PLAC1: variants seen among roughly 807,000 people sequenced by gnomAD.
PLAC1 encodes the protein placenta-specific protein 1.
For synonymous variants in PLAC1, 68 were observed against 62.1 expected, an observed-to-expected ratio of 1.09 and a Z score of -0.44; for missense variants, 136 against 163.2, an observed-to-expected ratio of 0.83 and a Z score of 0.91.
intron 2 of PLAC1, among the ~76,000 whole-genome samples, chrX:134,569,368 T>C (rs1262334116): frequency 1.8e-5 from 2 of 111,500 alleles, no homozygotes; most frequent in Non-Finnish European, 3.8e-5. Flanking sequence ...TCATTGAGTT[T>C]AGGGGTTCAT....
chrX:134,736,073 C>G (rs1249227189), intron 1 of PLAC1, among the ~76,000 whole-genome samples: 2 of 109,851 alleles, frequency 1.8e-5, no homozygotes, highest in African/African-American at 6.6e-5. Flanking sequence ...ATTGAGAGAT[C>G]GAGACCATCC....
chrX:134,690,070 T>C (rs1048152178), intron 2 of PLAC1, among the ~76,000 whole-genome samples: 1 of 111,512 alleles, frequency 9.0e-6, no homozygotes, highest in Non-Finnish European at 1.9e-5. Flanking sequence ...ACTGTCTCTA[T>C]AAATTTGACT....
chrX:134,680,248 T>G (rs1273481968), intron 2 of PLAC1, among the ~76,000 whole-genome samples: 2 of 111,849 alleles, frequency 1.8e-5, no homozygotes, highest in Admixed American at 9.5e-5. Context: ...TCATTATTAT[T>G]CCCTTTTACA....
At chrX:134,636,514 T>A (rs1165181596) in intron 1 of PLAC1, among the ~76,000 whole-genome samples, 1 of 112,069 alleles carries the variant, frequency 8.9e-6, no homozygotes, top group Non-Finnish European at 1.9e-5. Flanking sequence ...GGAGCCAAGA[T>A]TGTATACAGT....
At chrX:134,577,945 C>T (rs1488193919) in intron 2 of PLAC1, among the ~76,000 whole-genome samples, 3 of 110,304 alleles carry the variant, frequency 2.7e-5, no homozygotes, top group Non-Finnish European at 5.7e-5. Flanking sequence ...TCCTGAGATA[C>T]GGAAGATTAT....
At chrX:134,685,639 C>T (rs757197607) in intron 2 of PLAC1, among the ~76,000 whole-genome samples, 5 of 110,057 alleles carry the variant, frequency 4.5e-5, no homozygotes, top group Non-Finnish European at 9.5e-5. Context: ...CTATTCAAGT[C>T]GGGGACTCTA....
chrX:134,669,528 T>G (rs1485304236), intron 2 of PLAC1, among the ~76,000 whole-genome samples: 1 of 111,898 alleles, frequency 8.9e-6, no homozygotes, highest in Non-Finnish European at 1.9e-5. Context: ...CAACACTTGG[T>G]GGGGGAGCAC....
intron 1 of PLAC1, among the ~76,000 whole-genome samples, chrX:134,735,541 C>G (rs2078700666): frequency 9.0e-6 from 1 of 111,238 alleles, no homozygotes; most frequent in Admixed American, 9.6e-5. Context: ...TTCTCAAGTC[C>G]AGAGCCCAAA....
At chrX:134,698,327 C>T (rs1163693303) in intron 2 of PLAC1, among the ~76,000 whole-genome samples, 1 of 110,778 alleles carries the variant, frequency 9.0e-6, no homozygotes, top group Admixed American at 9.6e-5. Context: ...GTGGCGCACA[C>T]CTGTAATCCT....
At chrX:134,599,274 G>A (rs1019040636) in intron 2 of PLAC1, among the ~76,000 whole-genome samples, 2 of 111,436 alleles carry the variant, frequency 1.8e-5, no homozygotes, top group Non-Finnish European at 3.8e-5. Context: ...ATCTCATGTT[G>A]AATTGTAGTT....
chrX:134,609,654 A>G (rs2078142732), intron 1 of PLAC1, among the ~76,000 whole-genome samples: 1 of 111,929 alleles, frequency 8.9e-6, no homozygotes, highest in African/African-American at 3.2e-5. Flanking sequence ...TGGAAGCTGG[A>G]AAGTCCAAGA....
At chrX:134,649,489 C>T (rs889778806) in intron 1 of PLAC1, among the ~76,000 whole-genome samples, 1 of 110,408 alleles carries the variant, frequency 9.1e-6, no homozygotes, top group Non-Finnish European at 1.9e-5. Flanking sequence ...GGAGCATTTA[C>T]ACCATGGAAA....
chrX:134,699,765 G>A (rs747875605), intron 2 of PLAC1, among the ~76,000 whole-genome samples: 11 of 111,806 alleles, frequency 9.8e-5, no homozygotes, highest in African/African-American at 1.3e-4. Context: ...CTTTTAAAAA[G>A]TATAAATCAG....
chrX:134,670,307 C>T (rs899909451), intron 2 of PLAC1, among the ~76,000 whole-genome samples: 2 of 111,285 alleles, frequency 1.8e-5, no homozygotes, highest in Non-Finnish European at 3.8e-5. Context: ...CTGCCTCATG[C>T]CTGAGGAATG....
intron 1 of PLAC1, among the ~76,000 whole-genome samples, chrX:134,760,915 C>A (rs1159368145): frequency 9.0e-6 from 1 of 110,856 alleles, no homozygotes; most frequent in Non-Finnish European, 1.9e-5. Flanking sequence ...CCAGACTAGA[C>A]TGCTTGTGGG....
At chrX:134,655,739 T>C (rs1012617018) in intron 1 of PLAC1, among the ~76,000 whole-genome samples, 2 of 112,250 alleles carry the variant, frequency 1.8e-5, no homozygotes, top group African/African-American at 3.2e-5. Context: ...TCTGTTTTCT[T>C]ATGGTATGTG....
At chrX:134,601,463 C>G (rs767239073) in intron 2 of PLAC1, 71 of 112,052 alleles carry the variant, frequency 6.3e-4, no homozygotes, top group African/African-American at 2.2e-3. Flanking sequence ...ATTTGCATTC[C>G]TATTAGTGTT....
At chrX:134,756,832 G>A (rs1169444365) in intron 1 of PLAC1, among the ~76,000 whole-genome samples, 2 of 106,916 alleles carry the variant, frequency 1.9e-5, no homozygotes, top group East Asian at 5.8e-4. Context: ...CTGGGGGAAA[G>A]AGCAAGACTC....
chrX:134,634,364 C>A (rs377507218), intron 1 of PLAC1, among the ~76,000 whole-genome samples: 1 of 112,057 alleles, frequency 8.9e-6, no homozygotes, highest in Non-Finnish European at 1.9e-5. Context: ...TTATTGAGAT[C>A]TAAATTACAT....
Sources: gnomAD v4.1 joint callset for allele counts (sites outside exome capture counted in the v4.1 genomes callset) on GRCh38, gnomAD v4.1.1 for gene constraint, MANE v1.5 for transcripts, NCBI Gene and HGNC (gene_info 2026-07-23, HGNC 2026-07-21) for gene names.